The following TMEM212 variants were observed in gnomAD, a reference collection of about 807,000 sequenced individuals.
The protein encoded by TMEM212 is transmembrane protein 212.
TMEM212 carries 23 observed loss-of-function variants against 20.5 expected under a neutral mutation model. The observed-to-expected ratio is 1.12, with a 90% CI of 0.81 to 1.59. The LOEUF (loss-of-function observed/expected upper bound fraction) is 1.59, where lower values mean the gene tolerates loss of function less well. TMEM212 is among the 40% of genes most tolerant of loss of function. TMEM212 has a pLI of 0.00. For missense variants in TMEM212, 211 were observed against 215.0 expected, an observed-to-expected ratio of 0.98 and a Z score of 0.12; for synonymous variants, 76 against 81.6, an observed-to-expected ratio of 0.93 and a Z score of 0.37.
chr3:171,851,774 A>G (rs751091073), intron 1 of TMEM212, among the ~76,000 whole-genome samples: 3 of 152,254 alleles, frequency 2.0e-5, no homozygotes, highest in African/African-American at 4.8e-5. Context: ...AACTTGTATG[A>G]ATCATGTCTT....
chr3:171,851,878 T>G, intron 1 of TMEM212, 104 bp from the exon 2 acceptor site: 1 of 1,012,358 alleles, frequency 9.9e-7, no homozygotes, highest in Non-Finnish European at 1.5e-6. Flanking sequence ...TCATTTTCTG[T>G]TCCTTCAAGT....
At position 171,859,267 on chromosome 3, in the gene TMEM212, T is replaced by G. The variant is rs1219766632; in HGVS notation, c.*1210T>G. ...ATACCTATGCAACAAACCTGCATGT[T>G]GTGCACATGTACCCTAGAACTTAGA... On this transcript the variant is annotated 3_prime_UTR_variant, in exon 5 of 5. Coordinates refer to ENST00000334567, the MANE Select transcript of TMEM212 (RefSeq NM_001164436.2). 6.6e-6 allele frequency: 1 copy of G among 152,092 alleles called. No homozygotes were observed. The highest frequency in any genetic ancestry group is 2.4e-5 in the African/African-American group (1 of 41,412). 9.4% of individuals were successfully genotyped at this position (152,092 alleles called of 1,614,324 possible).
At chr3:171,849,504 T>C (rs558924879) in intron 1 of TMEM212, among the ~76,000 whole-genome samples, 19 of 152,360 alleles carry the variant, frequency 1.2e-4, no homozygotes, top group Non-Finnish European at 2.2e-4. Flanking sequence ...ATAAGGTCAT[T>C]GTGAGGATTA....
intron 1 of TMEM212, 133 bp downstream of exon 1, chr3:171,843,675 C>T (rs931621977): frequency 2.3e-5 from 16 of 691,208 alleles, no homozygotes; most frequent in African/African-American, 1.5e-4. Context: ...AATCAGAATC[C>T]GCCTTGGAAC....
intron 1 of TMEM212, among the ~76,000 whole-genome samples, chr3:171,844,950 C>T (rs377527591): frequency 9.0e-4 from 137 of 152,190 alleles, no homozygotes; most frequent in African/African-American, 3.1e-3. Flanking sequence ...TGCAGATAGA[C>T]GGAAGCCAGT....
rs1724891141 is a variant in TMEM212 at position 171,848,580 on chromosome 3, G to GAATAGAATAGAATAGA, written c.160-3401_160-3400insATAGAATAGAATAGAA. ...AAATGCATAGAATAGAATAGAATAG[G>GAATAGAATAGAATAGA]ATAGAATAGAATAGAATAGAATAGA... is the stretch of plus-strand genomic sequence containing the variant. On this transcript the variant is annotated intron_variant, in intron 1 of 4. Transcript: ENST00000334567. 1.1e-3 allele frequency among the ~76,000 whole-genome samples: 157 copies of GAATAGAATAGAATAGA among 144,632 alleles called. 2 individuals carry two copies. Among genetic ancestry groups the GAATAGAATAGAATAGA allele is most frequent in the African/African-American group, 3.9e-3 (146 of 37,772 alleles). 94.9% of individuals were successfully genotyped at this position (144,632 alleles called of 152,430 possible).
rs187649806 is a variant in TMEM212, at chr3:171,858,832, T to C, written c.*775T>C. 1 of 152,258 alleles carries C rather than the reference T, an allele frequency of 6.6e-6. No individual in the cohort carries two copies. The highest frequency in any genetic ancestry group is 2.4e-5 in the African/African-American group (1 of 41,562). The allele number at this position is 152,258 out of a possible 1,614,324, so 9.4% of individuals were successfully genotyped here. The stretch of plus-strand genomic sequence containing the variant: ...CACACATAATCCCAAATCATGCTAC[T>C]ATAAAGACACATGCACACGTATGTT... On this transcript the variant is annotated 3_prime_UTR_variant, in exon 5 of 5. Coordinates refer to ENST00000334567, the MANE Select transcript of TMEM212 (RefSeq NM_001164436.2).
At chr3:171,857,642 G>A (rs1255139726) in intron 4 of TMEM212, among the ~76,000 whole-genome samples, 1 of 152,082 alleles carries the variant, frequency 6.6e-6, no homozygotes, top group Non-Finnish European at 1.5e-5. Flanking sequence ...TACAGGACAA[G>A]GGATTAATAT....
intron 1 of TMEM212, among the ~76,000 whole-genome samples, chr3:171,848,956 A>G (rs1724904205): frequency 6.6e-6 from 1 of 151,952 alleles, no homozygotes; most frequent in South Asian, 2.1e-4. Flanking sequence ...AGGTCCTTCA[A>G]AAATCTTTCA....
At chr3:171,848,580 GATAGAATAGA>G (rs60136847) in intron 1 of TMEM212, among the ~76,000 whole-genome samples, 27 of 144,528 alleles carry the variant, frequency 1.9e-4, no homozygotes, top group African/African-American at 5.0e-4. Context: ...AATAGAATAG[GATAGAATAGA>G]ATAGAATAGA....
intron 1 of TMEM212, 117 bp from the exon 2 acceptor site, chr3:171,851,865 G>C: frequency 1.1e-6 from 1 of 894,920 alleles, no homozygotes; most frequent in East Asian, 2.7e-5. Context: ...TAAATCCACT[G>C]AGTCATTTTC....
intron 3 of TMEM212, 58 bp downstream of exon 3, chr3:171,853,908 A>G: frequency 7.6e-7 from 1 of 1,323,366 alleles, no homozygotes; most frequent in Non-Finnish European, 1.0e-6. Flanking sequence ...TAAAATGGAA[A>G]GTCTGGTATG....
At chr3:171,851,363 C>G (rs76057896) in intron 1 of TMEM212, among the ~76,000 whole-genome samples, 8 of 152,174 alleles carry the variant, frequency 5.3e-5, no homozygotes, top group Non-Finnish European at 1.2e-4. Flanking sequence ...GGGCCTTTTT[C>G]CTTCAACAGA....
At chr3:171,854,517 G>A (rs1725066323) in intron 3 of TMEM212, among the ~76,000 whole-genome samples, 2 of 151,948 alleles carry the variant, frequency 1.3e-5, no homozygotes, top group South Asian at 2.1e-4. Flanking sequence ...AAATAAAAAG[G>A]TATCCCATAA....
intron 1 of TMEM212, among the ~76,000 whole-genome samples, chr3:171,851,283 T>C (rs1225394966): frequency 6.6e-6 from 1 of 152,212 alleles, no homozygotes; most frequent in Non-Finnish European, 1.5e-5. Context: ...ATATATTTTT[T>C]TCATTATCCG....
chr3:171,858,767 T>C lies in TMEM212; in HGVS notation c.*710T>C, dbSNP rs190611855. ...CACATCAAAAAGTAGGCAAAGGACA[T>C]GGACACTTCTCAAAAGAAGACATTT... On this transcript the variant is annotated 3_prime_UTR_variant, in exon 5 of 5. Coordinates refer to ENST00000334567, the MANE Select transcript of TMEM212 (RefSeq NM_001164436.2). 5 of 152,196 alleles carry C rather than the reference T, an allele frequency of 3.3e-5. No homozygotes were observed. Among genetic ancestry groups the C allele is most frequent in the South Asian group, 2.1e-4 (1 of 4,826 alleles). 9.4% of individuals were successfully genotyped at this position (152,196 alleles called of 1,614,324 possible).
At chr3:171,845,287 C>T (rs190198017) in intron 1 of TMEM212, among the ~76,000 whole-genome samples, 5 of 152,236 alleles carry the variant, frequency 3.3e-5, no homozygotes, top group Non-Finnish European at 7.4e-5. Context: ...TAGATATCTA[C>T]ATCTATTATG....
At chr3:171,855,543 A>C (rs1441482668) in intron 3 of TMEM212, among the ~76,000 whole-genome samples, 1 of 152,220 alleles carries the variant, frequency 6.6e-6, no homozygotes, top group Admixed American at 6.5e-5. Flanking sequence ...GGATATCAAA[A>C]GCATAAAGGA....
chr3:171,849,577 TTTA>T (rs1290249807), intron 1 of TMEM212, among the ~76,000 whole-genome samples: 1 of 152,224 alleles, frequency 6.6e-6, no homozygotes, highest in East Asian at 1.9e-4. Context: ...CATGTTAACA[TTTA>T]TTATTACTTT....
Sources: allele counts gnomAD v4.1 joint callset (sites outside exome capture counted in the v4.1 genomes callset), GRCh38; gene constraint gnomAD v4.1.1; transcripts MANE v1.5; gene names NCBI Gene and HGNC (gene_info 2026-07-23, HGNC 2026-07-21).